The following OPHN1 variants were observed in gnomAD, a reference collection of about 807,000 sequenced individuals.
OPHN1 encodes oligophrenin 1.
OPHN1 carries 11 observed loss-of-function variants against 60.7 expected under a neutral mutation model. The ratio of observed to expected loss-of-function variants is 0.18; its 90% CI spans 0.11 to 0.30. The LOEUF is 0.30. OPHN1 is among the 10% of genes least tolerant of loss of function. OPHN1 has a pLI of 1.00. For missense variants in OPHN1, 449 were observed against 611.0 expected (o/e 0.73, Z 2.80); for synonymous variants, 226 against 222.6 (o/e 1.02, Z -0.14).
chrX:68,270,414 A>G (rs1435930235), intron 5 of OPHN1, among the ~76,000 whole-genome samples: 1 of 110,503 alleles, frequency 9.0e-6, no homozygotes, highest in Non-Finnish European at 1.9e-5. Flanking sequence ...TAGCCATAAA[A>G]AAGGATGAGT....
intron 6 of OPHN1, among the ~76,000 whole-genome samples, chrX:68,219,935 C>T (rs2077643193): frequency 1.1e-5 from 1 of 88,593 alleles, no homozygotes; most frequent in South Asian, 6.5e-4. Context: ...AAAATCAGAG[C>T]AGAACTGAAG....
intron 2 of OPHN1, among the ~76,000 whole-genome samples, chrX:68,317,376 A>AAGGAAGGAAGG (rs2078207055): frequency 5.9e-5 from 3 of 50,590 alleles, no homozygotes; most frequent in African/African-American, 3.2e-4. Flanking sequence ...AGAAAGAAAG[A>AAGGAAGGAAGG]AAGGAAGGAA....
chrX:68,410,872 TAA>T (rs994983579), intron 2 of OPHN1, among the ~76,000 whole-genome samples: 3 of 111,797 alleles, frequency 2.7e-5, no homozygotes, highest in African/African-American at 9.8e-5. Context: ...GGAAGCAACC[TAA>T]GTGTCCATCA....
intron 2 of OPHN1, among the ~76,000 whole-genome samples, chrX:68,351,694 G>T (rs759198124): frequency 9.2e-4 from 101 of 109,992 alleles, no homozygotes; most frequent in Non-Finnish European, 1.6e-3. Context: ...CTGGTTTTTT[G>T]TTGTTGTTGT....
At chrX:68,403,409 T>C (rs2078725078) in intron 2 of OPHN1, among the ~76,000 whole-genome samples, 1 of 111,988 alleles carries the variant, frequency 8.9e-6, no homozygotes, top group South Asian at 3.7e-4. Context: ...GAAGCTTTCC[T>C]AGAGAGAAGG....
At chrX:68,404,000 C>T (rs1400188219) in intron 2 of OPHN1, among the ~76,000 whole-genome samples, 1 of 109,370 alleles carries the variant, frequency 9.1e-6, no homozygotes, top group Non-Finnish European at 1.9e-5. Flanking sequence ...GTTGAAGTCT[C>T]AGTTTTACAT....
Position 68,070,650 on chromosome X carries a change from T to A in OPHN1, c.1834+2502A>T. On this transcript the variant is annotated intron_variant, in intron 20 of 24. Coordinates refer to ENST00000355520, the MANE Select transcript of OPHN1 (RefSeq NM_002547.3). ...CCATTTGGCACAGCAAGTGGCAGTG[T>A]TTCCACCACCTATGATGGTAATGCA... 4.9e-6 allele frequency: 4 copies of A among 818,287 alleles called. No homozygotes were observed. In the South Asian group the frequency reaches 8.1e-5, roughly 17 times the overall value. The allele number at this position is 818,287 out of a possible 1,213,427, so 67.4% of individuals were successfully genotyped here.
At chrX:68,330,628 G>A (rs2078289770) in intron 2 of OPHN1, among the ~76,000 whole-genome samples, 1 of 108,611 alleles carries the variant, frequency 9.2e-6, no homozygotes, top group Admixed American at 1.0e-4. Context: ...GTGAGACTCT[G>A]CCTCTTTAAA....
Position 68,185,497 on chromosome X carries a change from C to G in OPHN1, c.1276+7422G>C, listed in dbSNP as rs1367864830. 2.7e-5 allele frequency among the ~76,000 whole-genome samples: 3 copies of G among 111,550 alleles called. No homozygotes were observed. The Admixed American group carries it at 2.9e-4, about 11-fold the overall frequency. The stretch of plus-strand genomic sequence containing the variant: ...TTGTAAATGCAGTTTTCCCAGATGA[C>G]AGCTACATTTGATATAGGGAAGACT... On this transcript the variant is annotated intron_variant, in intron 15 of 24. Transcript: ENST00000355520.
chrX:68,299,140 C>T (rs780503623), intron 2 of OPHN1, 44 bp from the exon 3 acceptor site: 3 of 867,237 alleles, frequency 3.5e-6, no homozygotes, highest in Non-Finnish European at 5.1e-6. Flanking sequence ...CAATGCTATG[C>T]TTTGATCTAT....
rs112785608 is a variant in OPHN1, at chrX:68,251,554, G to C, written c.385-16966C>G. On this transcript the variant is annotated intron_variant, in intron 5 of 24. Transcript: ENST00000355520. ...AATGGAAAAAGAACTCAAAGTTCCA[G>C]TCTTTACTGATTCAACCTAGCTGTT... 9.4e-3 allele frequency among the ~76,000 whole-genome samples: 1,052 copies of C among 111,650 alleles called. 14 individuals are homozygous for C. Among genetic ancestry groups the C allele is most frequent in the African/African-American group, 0.033 (1,010 of 30,721 alleles).
intron 5 of OPHN1, among the ~76,000 whole-genome samples, chrX:68,247,671 C>A (rs2077813145): frequency 9.2e-6 from 1 of 108,716 alleles, no homozygotes; most frequent in Non-Finnish European, 1.9e-5. Flanking sequence ...GTAATATCAG[C>A]ACTTTGGGAG....
rs147633119 is a variant in OPHN1, at chrX:68,191,505, G to T, written c.1276+1414C>A. On this transcript the variant is annotated intron_variant, in intron 15 of 24. Transcript: ENST00000355520. ...AGAGAATACCACTGCCAGCCATGGT[G>T]GACTAACTGGTATCAGACTTGCCTT... Among the ~76,000 whole-genome samples the T allele has an allele frequency of 5.5e-3, 610 of 111,808 alleles. 7 individuals carry two copies. The highest frequency in any genetic ancestry group is 0.019 in the African/African-American group (577 of 30,791).
intron 15 of OPHN1, 94 bp downstream of exon 15, chrX:68,192,825 C>T: frequency 1.4e-6 from 1 of 737,615 alleles, no homozygotes; most frequent in Non-Finnish European, 2.1e-6. Flanking sequence ...AACTATTCTA[C>T]CACATTTTAG....
chrX:68,193,158 A>C (rs2077496576), intron 14 of OPHN1, among the ~76,000 whole-genome samples, 165 bp from the exon 15 acceptor site: 1 of 112,338 alleles, frequency 8.9e-6, no homozygotes, highest in South Asian at 3.7e-4. Flanking sequence ...TCTCCAAATT[A>C]TCCATCCTTT....
At chrX:68,234,222 G>A (rs1389983729) in intron 6 of OPHN1, among the ~76,000 whole-genome samples, 2 of 110,752 alleles carry the variant, frequency 1.8e-5, no homozygotes, top group Admixed American at 1.9e-4. Flanking sequence ...GCAATTGAAA[G>A]GGACTCTCGA....
At chrX:68,416,065 TATAG>T (rs1409297842) in intron 2 of OPHN1, among the ~76,000 whole-genome samples, 70 of 5,189 alleles carry the variant, frequency 0.013, no homozygotes, top group Admixed American at 0.022. Flanking sequence ...TATATATATA[TATAG>T]AGAGAGAGAG....
chrX:68,329,440 G>A (rs1318697239), intron 2 of OPHN1, among the ~76,000 whole-genome samples: 1 of 112,176 alleles, frequency 8.9e-6, no homozygotes, highest in African/African-American at 3.2e-5. Flanking sequence ...TAGCCTACAT[G>A]CCCATTTATA....
At chrX:68,296,018 T>C (rs973901573) in intron 3 of OPHN1, among the ~76,000 whole-genome samples, 4 of 111,396 alleles carry the variant, frequency 3.6e-5, no homozygotes, top group African/African-American at 1.3e-4. Context: ...TGGCACACTC[T>C]GCGTTCTCAG....
Sources: allele counts gnomAD v4.1 joint callset (sites outside exome capture counted in the v4.1 genomes callset), GRCh38; gene constraint gnomAD v4.1.1; transcripts MANE v1.5; gene names NCBI Gene and HGNC (gene_info 2026-07-23, HGNC 2026-07-21).